SPESP1: variants seen among roughly 807,000 people sequenced by gnomAD.
SPESP1 encodes the protein sperm equatorial segment protein 1.
Under a neutral mutation model 3.1 loss-of-function variants are expected in SPESP1, and 1 was observed. The ratio of observed to expected loss-of-function variants is 0.33; its 90% confidence interval spans 0.12 to 1.54. SPESP1 has a LOEUF of 1.54. Among genes scored for constraint, SPESP1 ranks in the 40% most tolerant of loss-of-function variants. The probability of loss-of-function intolerance (pLI) is 0.38; values close to 1 mark genes in which losing one functional copy is unlikely to be tolerated. For missense variants in SPESP1, 398 were observed against 410.1 expected (o/e 0.97, Z 0.26); for synonymous variants, 138 against 150.7 (o/e 0.92, Z 0.62).
rs529880407 is a variant in SPESP1 at position 68,932,713 on chromosome 15, C to A, written c.64+1996C>A. On this transcript the variant is annotated intron_variant, in intron 1 of 1. Transcript: ENST00000310673. The stretch of plus-strand genomic sequence containing the variant: ...AGCCAGCCTGTTGTCTTTCTTAGCA[C>A]CCTATTCCCTAATCTTTCTTGGGAA... Among the ~76,000 whole-genome samples, 32 of 152,152 alleles carry A rather than the reference C, an allele frequency of 2.1e-4. No homozygotes were observed. The South Asian group carries it at 6.2e-3, about 30-fold the overall frequency.
Position 68,930,674 on chromosome 15 carries a change from A to G in SPESP1, c.21A>G (p.Leu7=). Residue 7 remains leucine, a synonymous_variant, in exon 1 of 2, where the codon CTA becomes CTG. Transcript: ENST00000310673. Reference sequence around the variant, plus strand: ...CGCCTATGAAGCCCTTAGTCCTTCTAGTTGCGCTTTTGCTATGGCCTTCGT... The same window carrying G: ...CGCCTATGAAGCCCTTAGTCCTTCTGGTTGCGCTTTTGCTATGGCCTTCGT... MKPLVL[L]VALLLWPSSV... 1.2e-6 allele frequency: 2 copies of G among 1,613,874 alleles called. No homozygotes were observed. Among genetic ancestry groups the G allele is most frequent in the Non-Finnish European group, 1.7e-6 (2 of 1,179,846 alleles).
chr15:68,943,370 A>G (rs749189147), intron 1 of SPESP1, among the ~76,000 whole-genome samples: 89 of 152,200 alleles, frequency 5.8e-4, no homozygotes, highest in Non-Finnish European at 1.1e-3. Flanking sequence ...TTAGGAGTAT[A>G]CAAGGTTTTT....
chr15:68,941,883 G>A (rs1438968306), intron 1 of SPESP1, among the ~76,000 whole-genome samples: 1 of 152,126 alleles, frequency 6.6e-6, no homozygotes, highest in Non-Finnish European at 1.5e-5. Flanking sequence ...CAGTACAGTG[G>A]AAAGATCATG....
intron 1 of SPESP1, among the ~76,000 whole-genome samples, chr15:68,938,850 T>G (rs1895747258): frequency 6.6e-6 from 1 of 152,210 alleles, no homozygotes. Flanking sequence ...AGTCTCTTCC[T>G]TTTCTTCTTT....
At chr15:68,936,520 G>T (rs935763790) in intron 1 of SPESP1, among the ~76,000 whole-genome samples, 1 of 152,202 alleles carries the variant, frequency 6.6e-6, no homozygotes, top group Non-Finnish European at 1.5e-5. Flanking sequence ...CAAATGCGTA[G>T]CTACAGAAAG....
intron 1 of SPESP1, among the ~76,000 whole-genome samples, chr15:68,943,177 C>T (rs1895873470): frequency 6.6e-6 from 1 of 151,894 alleles, no homozygotes. Flanking sequence ...GTCCCACTGC[C>T]TCTCCTTAGA....
chr15:68,930,552 A>G lies in SPESP1; in HGVS notation c.-102A>G, dbSNP rs1325829036. The G allele has an allele frequency of 6.8e-7, 1 of 1,475,986 alleles. No individual in the cohort carries two copies. The highest frequency in any genetic ancestry group is 1.4e-5 in the African/African-American group (1 of 71,790). 91.4% of individuals were successfully genotyped at this position (1,475,986 alleles called of 1,614,324 possible). On this transcript the variant is annotated 5_prime_UTR_variant, in exon 1 of 2. Transcript: ENST00000310673. ...TGCTGGGTGTCCCAGGGCCTGAGGCAGGACGGTACTCCGCTGACACCTTCC... is the reference window on the plus strand; with the variant it reads ...TGCTGGGTGTCCCAGGGCCTGAGGCGGGACGGTACTCCGCTGACACCTTCC...
chr15:68,932,536 G>A (rs890146024), intron 1 of SPESP1, among the ~76,000 whole-genome samples: 1 of 152,030 alleles, frequency 6.6e-6, no homozygotes, highest in Non-Finnish European at 1.5e-5. Context: ...GATTATAGGC[G>A]CACGCCACTA....
rs192709709 is a variant in SPESP1, at chr15:68,934,984, T to G, written c.64+4267T>G. On this transcript the variant is annotated intron_variant, in intron 1 of 1. Transcript: ENST00000310673. The stretch of plus-strand genomic sequence containing the variant: ...TTGTTCCAAGCCCACTTTGTGTCTT[T>G]CCCACTCTATCTTTCTCACTCTGAA... Among the ~76,000 whole-genome samples the G allele has an allele frequency of 7.2e-5, 11 of 152,296 alleles. No individual in the cohort carries two copies. In the East Asian group the frequency reaches 1.5e-3, roughly 21 times the overall value.
chr15:68,943,761 G>A (rs1305178402), intron 1 of SPESP1, among the ~76,000 whole-genome samples: 3 of 151,860 alleles, frequency 2.0e-5, no homozygotes, highest in African/African-American at 4.8e-5. Context: ...CTAGCAGTAC[G>A]AAAGAGATTT....
Position 68,938,474 on chromosome 15 carries a change from C to T in SPESP1, c.65-7125C>T, listed in dbSNP as rs7178900. 4.0e-3 allele frequency among the ~76,000 whole-genome samples: 612 copies of T among 151,664 alleles called. 6 individuals are homozygous for T. Among genetic ancestry groups the T allele is most frequent in the African/African-American group, 0.014 (570 of 41,316 alleles). On this transcript the variant is annotated intron_variant, in intron 1 of 1. Transcript: ENST00000310673. Reference sequence around the variant, plus strand: ...ATATTACTAGATACATCTTAATATGCGAAAGGGATGCATTTTGGTCCATTT... The same window carrying T: ...ATATTACTAGATACATCTTAATATGTGAAAGGGATGCATTTTGGTCCATTT...
chr15:68,940,756 C>CTTTTTTTTT (rs575503960), intron 1 of SPESP1, among the ~76,000 whole-genome samples: 2 of 125,442 alleles, frequency 1.6e-5, no homozygotes, highest in African/African-American at 2.8e-5. Flanking sequence ...TCAGATTTGA[C>CTTTTTTTTT]TTTTTTTTTT....
At position 68,946,805 on chromosome 15, in the gene SPESP1, T is replaced by A. The variant is rs960384960; in HGVS notation, c.*218T>A. 1 of 504,118 alleles carries A rather than the reference T, an allele frequency of 2.0e-6. No individual in the cohort carries two copies. Among genetic ancestry groups the A allele is most frequent in the Non-Finnish European group, 2.9e-6 (1 of 346,750 alleles). The allele number at this position is 504,118 out of a possible 1,614,324, so 31.2% of individuals were successfully genotyped here. A position where few individuals can be genotyped will look rare whatever the true frequency, so the allele number is the denominator to read the frequency against. ...AACCTAATTTAAAATAAAATTTTGG[T>A]TCAGGAGTTTGTAGTTTTTTCTCAT... On this transcript the variant is annotated 3_prime_UTR_variant, in exon 2 of 2. Transcript: ENST00000310673.
At position 68,930,621 on chromosome 15, in the gene SPESP1, C is replaced by G. The variant is rs752653724; in HGVS notation, c.-33C>G. ...CCAGCCTGGTGGCCCCAGGACGTTCCGGTCGCATGGCAGAGTGCTACGGAC... is the reference window on the plus strand; with the variant it reads ...CCAGCCTGGTGGCCCCAGGACGTTCGGGTCGCATGGCAGAGTGCTACGGAC... On this transcript the variant is annotated 5_prime_UTR_variant, in exon 1 of 2. Coordinates refer to ENST00000310673, the MANE Select transcript of SPESP1 (RefSeq NM_145658.4). The G allele has an allele frequency of 1.2e-6, 2 of 1,613,106 alleles. No individual in the cohort carries two copies. Among genetic ancestry groups the G allele is most frequent in the South Asian group, 2.2e-5 (2 of 91,048 alleles).
rs1410386854 is a variant in SPESP1, at chr15:68,946,209, C to T, written c.675C>T (p.Asp225=). The T allele has an allele frequency of 6.2e-7, 1 of 1,614,058 alleles. No individual in the cohort carries two copies. Among genetic ancestry groups the T allele is most frequent in the African/African-American group, 1.3e-5 (1 of 75,006 alleles). The change falls in exon 2 of 2, where the codon GAC becomes GAT. Residue 225 remains aspartate (D), a synonymous_variant. Transcript: ENST00000310673. ...GKHPESWNND[D]ILKKILDINS... ...ACCCAGAGAGTTGGAATAATGATGA[C>T]ATTTTGAAAAAAATTTTAGATATTA...
chr15:68,935,711 A>G (rs1895665237), intron 1 of SPESP1, among the ~76,000 whole-genome samples: 2 of 152,264 alleles, frequency 1.3e-5, no homozygotes, highest in South Asian at 2.1e-4. Flanking sequence ...CTTGATTAAT[A>G]TGAACATAAT....
chr15:68,944,355 A>AC (rs1439543160), intron 1 of SPESP1, among the ~76,000 whole-genome samples: 2 of 146,936 alleles, frequency 1.4e-5, no homozygotes, highest in Non-Finnish European at 3.0e-5. Context: ...ATTTTAGGAG[A>AC]CCCCTCAAAA....
chr15:68,935,222 C>G (rs533533336), intron 1 of SPESP1, among the ~76,000 whole-genome samples: 1 of 152,076 alleles, frequency 6.6e-6, no homozygotes, highest in Non-Finnish European at 1.5e-5. Flanking sequence ...ACTCTTTATC[C>G]GCACTAGAAT....
intron 1 of SPESP1, among the ~76,000 whole-genome samples, chr15:68,937,022 C>T (rs1257953642): frequency 6.6e-6 from 1 of 152,118 alleles, no homozygotes; most frequent in South Asian, 2.1e-4. Context: ...TCTTATTACT[C>T]ATTTAAAATT....
Sources: gnomAD v4.1 joint callset for allele counts (sites outside exome capture counted in the v4.1 genomes callset) on GRCh38, gnomAD v4.1.1 for gene constraint, MANE v1.5 for transcripts, NCBI Gene and HGNC (gene_info 2026-07-23, HGNC 2026-07-21) for gene names.